The following ATP10B variants were observed in gnomAD, a reference collection of about 807,000 sequenced individuals.
ATP10B encodes the protein phospholipid-transporting ATPase VB.
A neutral mutation model predicts 141.2 loss-of-function variants in ATP10B; 122 were observed. That is an observed-to-expected ratio of 0.86 (90% CI 0.75 to 1.00). The LOEUF (loss-of-function observed/expected upper bound fraction) is 1.00. ATP10B is among the 50% of genes least tolerant of loss of function. The pLI is 0.00. For synonymous variants in ATP10B, 685 were observed against 692.0 expected, an observed-to-expected ratio of 0.99 and a Z score of 0.16; for missense variants, 1,876 against 1,825.3, an observed-to-expected ratio of 1.03 and a Z score of -0.51.
rs563633332 is a variant in ATP10B, at chr5:160,702,733, A to G, written c.-204-13790T>C. ...GGAAGTGTTTTGAAACTCCTTTCCC[A>G]TTATACAAGATTACAAGTTCTTAAC... On this transcript the variant is annotated intron_variant, in intron 3 of 25. Coordinates refer to ENST00000327245, the MANE Select transcript of ATP10B (RefSeq NM_025153.3). 3.2e-3 allele frequency among the ~76,000 whole-genome samples: 488 copies of G among 152,326 alleles called. 1 individual carries two copies. Among genetic ancestry groups the G allele is most frequent in the African/African-American group, 0.011 (448 of 41,580 alleles).
chr5:160,822,832 T>C (rs964369492), intron 1 of ATP10B, among the ~76,000 whole-genome samples: 4 of 150,966 alleles, frequency 2.6e-5, no homozygotes, highest in African/African-American at 7.3e-5. Flanking sequence ...CTCATGGAGA[T>C]AGAGAGTAAA....
At chr5:160,615,431 G>A (rs916057171) in intron 17 of ATP10B, among the ~76,000 whole-genome samples, 1 of 150,954 alleles carries the variant, frequency 6.6e-6, no homozygotes, top group African/African-American at 2.4e-5. Flanking sequence ...TGTTGAAATT[G>A]CTTGCTCGAT....
At chr5:160,613,062 T>C (rs1757808782) in intron 17 of ATP10B, 137 bp from the exon 18 acceptor site, 1 of 756,610 alleles carries the variant, frequency 1.3e-6, no homozygotes, top group African/African-American at 1.8e-5. Context: ...GATATAACAG[T>C]GAACTAGATG....
chr5:160,611,510 C>T (rs943991592), intron 18 of ATP10B, among the ~76,000 whole-genome samples: 2 of 152,156 alleles, frequency 1.3e-5, no homozygotes, highest in Admixed American at 1.3e-4. Context: ...AGCTTATTTT[C>T]ATTTTGAAAA....
At chr5:160,589,554 G>A (rs1561630830) in intron 24 of ATP10B, 38 bp downstream of exon 24, 1 of 1,489,432 alleles carries the variant, frequency 6.7e-7, no homozygotes, top group East Asian at 2.3e-5. Context: ...ATGGGCAGGA[G>A]CACAGTTTTG....
At chr5:160,874,205 C>T in the ATP10B span, among the ~76,000 whole-genome samples, 20 of 152,204 alleles carry the variant, frequency 1.3e-4, no homozygotes, top group African/African-American at 4.3e-4. Context: ...GGCAGACTGC[C>T]TCCTCAAGTG....
the ATP10B span, among the ~76,000 whole-genome samples, chr5:160,894,854 T>C: frequency 1.3e-5 from 2 of 152,196 alleles, no homozygotes; most frequent in African/African-American, 4.8e-5. Flanking sequence ...ACAGTGGATC[T>C]CTCTGCAGAA....
chr5:160,839,236 C>A (rs1581634331), intron 1 of ATP10B, among the ~76,000 whole-genome samples: 1 of 151,994 alleles, frequency 6.6e-6, no homozygotes, highest in South Asian at 2.1e-4. Context: ...GAAGGATATT[C>A]TGAAGGAGAA....
intron 1 of ATP10B, among the ~76,000 whole-genome samples, chr5:160,816,684 A>G (rs199669436): frequency 0.34 from 51,404 of 151,630 alleles, 9,660 homozygotes; most frequent in East Asian, 0.45. Context: ...CCAAAGCCGG[A>G]CAGAGACACA....
the ATP10B span, among the ~76,000 whole-genome samples, chr5:160,919,541 A>C: frequency 6.6e-6 from 1 of 152,318 alleles, no homozygotes; most frequent in East Asian, 1.9e-4. Context: ...TCATTTTCAT[A>C]GCAGTGAGAA....
chr5:160,875,931 T>C, the ATP10B span, among the ~76,000 whole-genome samples: 30 of 48,416 alleles, frequency 6.2e-4, 1 homozygote, highest in African/African-American at 1.3e-3. Context: ...CACACATTAA[T>C]AATGGGAGAC....
the ATP10B span, among the ~76,000 whole-genome samples, chr5:160,870,506 A>G: frequency 6.6e-6 from 1 of 152,020 alleles, no homozygotes; most frequent in South Asian, 2.1e-4. Flanking sequence ...CATAACAAAA[A>G]CCTCCAAAAC....
chr5:160,918,358 G>A, the ATP10B span, among the ~76,000 whole-genome samples: 12 of 152,210 alleles, frequency 7.9e-5, no homozygotes, highest in South Asian at 2.1e-4. Flanking sequence ...GTCTAGGGAC[G>A]TGGGCAGGGA....
At chr5:160,624,520 C>T (rs1388851878) in intron 13 of ATP10B, among the ~76,000 whole-genome samples, 2 of 152,196 alleles carry the variant, frequency 1.3e-5, no homozygotes, top group South Asian at 2.1e-4. Flanking sequence ...CATTTCCTTC[C>T]ATTGCCCTGA....
chr5:160,797,407 G>C (rs1035096377), intron 1 of ATP10B, among the ~76,000 whole-genome samples: 5 of 152,116 alleles, frequency 3.3e-5, no homozygotes, highest in African/African-American at 1.2e-4. Flanking sequence ...TTGCTAAATT[G>C]TTTATTGTGA....
chr5:160,653,587 A>ATAT (rs1761121148), intron 7 of ATP10B, among the ~76,000 whole-genome samples: 1 of 21,564 alleles, frequency 4.6e-5, no homozygotes, highest in South Asian at 1.5e-3. Context: ...ATATACATAT[A>ATAT]TACATATATA....
At chr5:160,860,792 C>T in the ATP10B span, among the ~76,000 whole-genome samples, 131 of 152,050 alleles carry the variant, frequency 8.6e-4, no homozygotes, top group African/African-American at 2.9e-3. Flanking sequence ...TGGCAGCATT[C>T]AAACATTGGG....
chr5:160,866,219 C>G, the ATP10B span, among the ~76,000 whole-genome samples: 2 of 152,262 alleles, frequency 1.3e-5, no homozygotes, highest in Admixed American at 1.3e-4. Context: ...TCATGGAATA[C>G]TACTCAGCCC....
At chr5:160,696,781 A>G (rs1044229625) in intron 3 of ATP10B, among the ~76,000 whole-genome samples, 1 of 152,262 alleles carries the variant, frequency 6.6e-6, no homozygotes, top group African/African-American at 2.4e-5. Context: ...AAAAAAACTC[A>G]GTGAGCCAGA....
Sources: gnomAD v4.1 joint callset for allele counts (sites outside exome capture counted in the v4.1 genomes callset) on GRCh38, gnomAD v4.1.1 for gene constraint, MANE v1.5 for transcripts, NCBI Gene and HGNC (gene_info 2026-07-23, HGNC 2026-07-21) for gene names.